The following SIRT6 variants were observed in gnomAD, a reference collection of about 807,000 sequenced individuals.
SIRT6 encodes the protein NAD-dependent protein deacylase sirtuin-6.
A neutral mutation model predicts 33.6 loss-of-function variants in SIRT6; 21 were observed. The observed-to-expected ratio is 0.62, with a 90% confidence interval of 0.44 to 0.90. SIRT6 has a LOEUF of 0.90. Ranked by LOEUF, SIRT6 falls within the 40% of genes least tolerant of loss-of-function variation. The probability of loss-of-function intolerance (pLI) is 0.00; values close to 1 mark genes in which losing one functional copy is unlikely to be tolerated. For missense variants in SIRT6, 504 were observed against 510.6 expected (o/e 0.99, Z 0.12); for synonymous variants, 221 against 223.9 (o/e 0.99, Z 0.12).
chr19:4,182,296 G>A (rs1967740737), intron 1 of SIRT6, 178 bp downstream of exon 1: 1 of 606,138 alleles, frequency 1.6e-6, no homozygotes, highest in Non-Finnish European at 2.8e-6. Flanking sequence ...ACAGAGTTGG[G>A]CGTGTTGGCG....
intron 2 of SIRT6, among the ~76,000 whole-genome samples, chr19:4,180,197 C>T (rs954934759): frequency 5.0e-5 from 7 of 141,072 alleles, no homozygotes; most frequent in Admixed American, 3.8e-4. Context: ...CTCTGCCTCC[C>T]GGGTTCAAGC....
intron 6 of SIRT6, 171 bp downstream of exon 6, chr19:4,175,509 A>G: frequency 1.5e-6 from 1 of 653,864 alleles, no homozygotes; most frequent in Non-Finnish European, 2.6e-6. Context: ...CCATGAGGTG[A>G]CGAGTGTGTG....
intron 6 of SIRT6, 89 bp downstream of exon 6, chr19:4,175,591 C>T: frequency 7.7e-7 from 1 of 1,307,006 alleles, no homozygotes; most frequent in Non-Finnish European, 1.0e-6. Flanking sequence ...CTGTGAGCCT[C>T]AGCCACTGTC....
rs11880257 is a variant in SIRT6, at chr19:4,175,163, G to A, written c.615-12C>T. On this transcript the variant is annotated splice_polypyrimidine_tract_variant and intron_variant, in intron 6 of 7. Transcript: ENST00000337491. ...ACAGGTCGGCGTTCCTGGGGCCGGGGAGCGTGGGCTGAGCCTGATGCCCTG... is the reference window on the plus strand; with the variant it reads ...ACAGGTCGGCGTTCCTGGGGCCGGGAAGCGTGGGCTGAGCCTGATGCCCTG... 5.7e-3 allele frequency: 9,131 copies of A among 1,595,922 alleles called. 464 individuals are homozygous for A. The African/African-American group carries it at 0.11, about 19-fold the overall frequency.
rs1967192122 is a variant in SIRT6 at position 4,174,879 on chromosome 19, A to G, written c.806T>C (p.Leu269Pro). The change falls in exon 8 of 8, where the codon CTG becomes CCG. Residue 269 changes from leucine to proline, a missense_variant. Transcript: ENST00000337491. This position sits in a 1 kb window ranked among gnomAD's most constrained non-coding sequence, Gnocchi z 4.2. ...DEVMTRLMKH[L>P]GLEIPAWDGP... ...GTCCCAGGCGGGGATCTCCAGCCCC[A>G]GGTGCTTCATGAGCCGGGTCATGAC... 6.2e-7 allele frequency: 1 copy of G among 1,602,118 alleles called. No individual in the cohort carries two copies. Among genetic ancestry groups the G allele is most frequent in the Non-Finnish European group, 8.5e-7 (1 of 1,179,672 alleles).
intron 3 of SIRT6, among the ~76,000 whole-genome samples, chr19:4,178,731 C>T (rs973267011): frequency 6.6e-6 from 1 of 152,078 alleles, no homozygotes; most frequent in African/African-American, 2.4e-5. Context: ...TGCCTGTAAT[C>T]CCAGTTACTA....
Position 4,175,203 on chromosome 19 carries a change from C to T in SIRT6, c.615-52G>A, listed in dbSNP as rs776940176. 6 of 1,552,266 alleles carry T rather than the reference C, an allele frequency of 3.9e-6. No homozygotes were observed. In the African/African-American group the frequency reaches 4.0e-5, roughly 10 times the overall value. On this transcript the variant is annotated intron_variant, in intron 6 of 7. Transcript: ENST00000337491. Reference sequence around the variant, plus strand: ...CTGATGCCCTGCTCCTGCCAACATCCCGAGCCAGCCCTGGGGGCCGGTTCA... The same window carrying T: ...CTGATGCCCTGCTCCTGCCAACATCTCGAGCCAGCCCTGGGGGCCGGTTCA...
chr19:4,177,764 G>A (rs1159261112), intron 3 of SIRT6, among the ~76,000 whole-genome samples: 1 of 150,900 alleles, frequency 6.6e-6, no homozygotes. Flanking sequence ...CTAATTTTTT[G>A]TATTTTTAGT....
At chr19:4,177,367 C>T (rs1329160218) in intron 3 of SIRT6, among the ~76,000 whole-genome samples, 1 of 151,998 alleles carries the variant, frequency 6.6e-6, no homozygotes, top group Non-Finnish European at 1.5e-5. Context: ...ATCATTAACC[C>T]CCAAGGCTGA....
rs201845999 is a variant in SIRT6 at position 4,175,874 on chromosome 19, G to A, written c.501C>T (p.Thr167=). The change falls in exon 5 of 8, where the codon ACC becomes ACT. Residue 167 remains threonine, a synonymous_variant. Coordinates refer to ENST00000337491, the MANE Select transcript of SIRT6 (RefSeq NM_016539.4). Reference sequence around the variant, plus strand: ...CTCGCAGCCCCCTTGCCTTAGCCACGGTGCAGAGCCGGCCCGTGGCCTTCA... The same window carrying A: ...CTCGCAGCCCCCTTGCCTTAGCCACAGTGCAGAGCCGGCCCGTGGCCTTCA... The part of the protein sequence containing the change: ...MGLKATGRLC[T]VAKARGLRAC... 4.4e-5 allele frequency: 69 copies of A among 1,566,632 alleles called. No homozygotes were observed. The South Asian group carries it at 5.3e-4, about 12-fold the overall frequency.
chr19:4,175,822 C>T lies in SIRT6; in HGVS notation c.533+20G>A. ...TCGCAGCCTCCCCTGGAGCCCAGGG[C>T]ATGGGTGGGGGTGGCTCACCTGCAG... On this transcript the variant is annotated intron_variant, in intron 5 of 7. Transcript: ENST00000337491. The T allele has an allele frequency of 9.6e-6, 15 of 1,555,648 alleles. No homozygotes were observed. The highest frequency in any genetic ancestry group is 1.3e-5 in the Non-Finnish European group (15 of 1,149,462).
rs1266604688 is a variant in SIRT6 at position 4,178,763 on chromosome 19, C to T, written c.377+341G>A. 5.3e-5 allele frequency among the ~76,000 whole-genome samples: 8 copies of T among 152,252 alleles called. No individual in the cohort carries two copies. The South Asian group carries it at 1.2e-3, about 24-fold the overall frequency. On this transcript the variant is annotated intron_variant, in intron 3 of 7. Transcript: ENST00000337491. ...ACTAGGGAGGCTGAGGCAGGAGAAT[C>T]GCTTGAACCTGGGAGGCTGAGCGGA...
At position 4,174,459 on chromosome 19, in the gene SIRT6, A is replaced by G. The variant is rs201456715; in HGVS notation, c.*158T>C. ...ACCGCACCAGAGGCCCCTGGAGCCC[A>G]GGGAGGGACCACGGAGGGCAGGTGT... On this transcript the variant is annotated 3_prime_UTR_variant, in exon 8 of 8. Coordinates refer to ENST00000337491, the MANE Select transcript of SIRT6 (RefSeq NM_016539.4). The surrounding 1 kb of genome is among the most constrained non-coding windows in gnomAD (Gnocchi z 4.2). 2.7e-3 allele frequency: 1,642 copies of G among 615,026 alleles called. 10 individuals are homozygous for G. The highest frequency in any genetic ancestry group is 7.5e-3 in the Middle Eastern group (18 of 2,396). The allele number at this position is 615,026 out of a possible 1,614,324, so 38.1% of individuals were successfully genotyped here. A position where few individuals can be genotyped will look rare whatever the true frequency, so the allele number is the denominator to read the frequency against.
In SIRT6 at chr19:4,175,750, T is replaced by G. The variant is rs144978048; in HGVS notation, c.544A>C (p.Arg182=). The part of the protein sequence containing the change: ...RGLRACRGEL[R]DTILDWEDSL... ...TCCTCCCAGTCTAGGATGGTGTCCCTCAGCTCTCCCCTGCAATGAGGAAGC... is the reference window on the plus strand; with the variant it reads ...TCCTCCCAGTCTAGGATGGTGTCCCGCAGCTCTCCCCTGCAATGAGGAAGC... The change falls in exon 6 of 8, where the codon AGG becomes CGG. Residue 182 remains arginine (R), a synonymous_variant. Coordinates refer to ENST00000337491, the MANE Select transcript of SIRT6 (RefSeq NM_016539.4). 52 of 1,583,768 alleles carry G rather than the reference T, an allele frequency of 3.3e-5. No individual in the cohort carries two copies. In the African/African-American group the frequency reaches 5.4e-4, roughly 16 times the overall value.
In SIRT6 at chr19:4,174,637, C is replaced by G. The variant is rs933459001; in HGVS notation, c.1048G>C (p.Ala350Pro). 5 of 1,448,274 alleles carry G rather than the reference C, an allele frequency of 3.5e-6. No homozygotes were observed. The African/African-American group carries it at 7.2e-5, about 21-fold the overall frequency. 89.7% of individuals were successfully genotyped at this position (1,448,274 alleles called of 1,614,324 possible). The change falls in exon 8 of 8, where the codon GCC becomes CCC. Residue 350 changes from alanine to proline, a missense_variant. Coordinates refer to ENST00000337491, the MANE Select transcript of SIRT6 (RefSeq NM_016539.4). This position sits in a 1 kb window ranked among gnomAD's most constrained non-coding sequence, Gnocchi z 4.2. ...CCTGGTCAGCTGGGGACCGCCTTGG[C>G]CTTCACCCTTTTGGGGGGTCTGTGG... The part of the protein sequence containing the change: ...APHRPPKRVK[A>P]KAVPS
In SIRT6 at chr19:4,174,831, G is replaced by A. The variant is rs1231857434; in HGVS notation, c.854C>T (p.Ala285Val). ...AWDGPRVLER[A>V]LPPLPRPPTP... ...GGGCGGGCGGGGCAGGGGTGGCAGC[G>A]CCCTCTCCAGCACACGGGGGCCGTC... Residue 285 changes from alanine (A) to valine (V), a missense_variant, in exon 8 of 8, where the codon GCG becomes GTG. By Grantham distance (64) the Ala-to-Val change is moderately conservative. Coordinates refer to ENST00000337491, the MANE Select transcript of SIRT6 (RefSeq NM_016539.4). This position sits in a 1 kb window ranked among gnomAD's most constrained non-coding sequence, Gnocchi z 4.2. 22 of 1,575,798 alleles carry A rather than the reference G, an allele frequency of 1.4e-5. No homozygotes were observed. Among genetic ancestry groups the A allele is most frequent in the South Asian group, 2.3e-5 (2 of 88,000 alleles).
In SIRT6 at chr19:4,179,220, C is replaced by T. The variant is rs1967483506; in HGVS notation, c.261G>A (p.Glu87=). The change falls in exon 3 of 8, where the codon GAG becomes GAA. Residue 87 remains glutamate, a synonymous_variant. Transcript: ENST00000337491. ...TGTGGGTCTGCGTGGGCCGCGCGCT[C>T]TCAAAGGTGGTGTCGAACTTGGGGG... ...GLAPKFDTTF[E]SARPTQTHMA... 15 of 1,611,000 alleles carry T rather than the reference C, an allele frequency of 9.3e-6. No homozygotes were observed. Among genetic ancestry groups the T allele is most frequent in the Non-Finnish European group, 1.3e-5 (15 of 1,179,182 alleles).
chr19:4,180,614 T>C, intron 2 of SIRT6, 168 bp downstream of exon 2: 2 of 778,162 alleles, frequency 2.6e-6, no homozygotes, highest in Non-Finnish European at 1.9e-6. Flanking sequence ...TTCTTGACCT[T>C]GTGATCCACC....
At chr19:4,175,656 C>T (rs1028461030) in intron 6 of SIRT6, 24 bp downstream of exon 6, 3 of 1,484,902 alleles carry the variant, frequency 2.0e-6, no homozygotes, top group Non-Finnish European at 1.8e-6. Context: ...CCACCATGGG[C>T]TCCCTGGGGG....
Sources: gnomAD v4.1 joint callset for allele counts (sites outside exome capture counted in the v4.1 genomes callset) on GRCh38, gnomAD v4.1.1 for gene constraint, Gnocchi (gnomAD v3.1) non-coding constraint, MANE v1.5 for transcripts, NCBI Gene and HGNC (gene_info 2026-07-23, HGNC 2026-07-21) for gene names.